The following TRPA1 variants were observed in gnomAD, a reference collection of about 807,000 sequenced individuals.
TRPA1 encodes ankyrin-like with transmembrane domains 1.
Under a neutral mutation model 131.3 loss-of-function variants are expected in TRPA1, and 129 were observed. The observed-to-expected ratio is 0.98, with a 90% CI of 0.85 to 1.14. The LOEUF (loss-of-function observed/expected upper bound fraction) is 1.14. TRPA1 is among the 50% of genes most tolerant of loss of function. The pLI, the probability that TRPA1 is intolerant of heterozygous loss-of-function variation, is 0.00. For missense variants in TRPA1, 1,304 were observed against 1,354.2 expected (o/e 0.96, Z 0.58); for synonymous variants, 441 against 451.7 (o/e 0.98, Z 0.30).
At chr8:72,058,237 T>A (rs547419511) in intron 8 of TRPA1, among the ~76,000 whole-genome samples, 53 of 152,298 alleles carry the variant, frequency 3.5e-4, no homozygotes, top group Admixed American at 1.6e-3. Context: ...TCACTTTTTT[T>A]AAAAATCCTA....
intron 24 of TRPA1, 165 bp downstream of exon 24, chr8:72,029,736 C>T: frequency 1.3e-6 from 1 of 748,822 alleles, no homozygotes; most frequent in Non-Finnish European, 2.3e-6. Flanking sequence ...CCCAGTCAGC[C>T]ACATGATCAG....
At chr8:72,051,823 C>A (rs1805516027) in intron 14 of TRPA1, among the ~76,000 whole-genome samples, 1 of 152,200 alleles carries the variant, frequency 6.6e-6, no homozygotes, top group Non-Finnish European at 1.5e-5. Context: ...TAGAAACCCA[C>A]CAACACCTGA....
intron 4 of TRPA1, among the ~76,000 whole-genome samples, chr8:72,063,909 C>T (rs1398486380): frequency 1.3e-5 from 2 of 152,042 alleles, no homozygotes; most frequent in Non-Finnish European, 2.9e-5. Context: ...GTTTCTTATG[C>T]AAATAAAGTG....
chr8:72,051,899 A>G (rs1378000271), intron 14 of TRPA1, among the ~76,000 whole-genome samples: 1 of 152,206 alleles, frequency 6.6e-6, no homozygotes, highest in African/African-American at 2.4e-5. Context: ...ATTTTTTAAG[A>G]AATATAAACT....
At chr8:72,050,900 A>G (rs1025927) in intron 14 of TRPA1, 29 bp from the exon 15 acceptor site, 137,600 of 1,452,452 alleles carry the variant, frequency 0.095, 7,291 homozygotes, top group African/African-American at 0.14. Flanking sequence ...TAAGATAAGC[A>G]CAGGTCTTCA....
chr8:72,082,936 G>A, the TRPA1 span, among the ~76,000 whole-genome samples: 1 of 151,380 alleles, frequency 6.6e-6, no homozygotes, highest in East Asian at 1.9e-4. Context: ...CTTCCATTAT[G>A]TATATGCTGG....
rs749092012 is a variant in TRPA1, at chr8:72,063,462, C to A, written c.661+1G>T. On this transcript the variant is annotated splice_donor_variant, in intron 5 of 26. Coordinates refer to ENST00000262209, the MANE Select transcript of TRPA1 (RefSeq NM_007332.3). LOFTEE classifies it high-confidence loss of function. Reference sequence around the variant, plus strand: ...TATAACATAGAAAAGCCTCAACTCACCAAACCTTAGTATTATTTCCATGCA... The same window carrying A: ...TATAACATAGAAAAGCCTCAACTCAACAAACCTTAGTATTATTTCCATGCA... 6.2e-7 allele frequency: 1 copy of A among 1,605,688 alleles called. No individual in the cohort carries two copies. The highest frequency in any genetic ancestry group is 8.5e-7 in the Non-Finnish European group (1 of 1,172,560).
chr8:72,055,603 T>G lies in TRPA1; in HGVS notation c.1365-3A>C. On this transcript the variant is annotated splice_polypyrimidine_tract_variant and splice_region_variant and intron_variant, in intron 11 of 26. Transcript: ENST00000262209. ...GACAGGTATTGATACGCCCATAACT[T>G]GGAAAAAATTAGGTTTCATATTTTC... The G allele has an allele frequency of 6.2e-7, 1 of 1,613,306 alleles. No homozygotes were observed. Among genetic ancestry groups the G allele is most frequent in the Non-Finnish European group, 8.5e-7 (1 of 1,179,490 alleles).
chr8:72,054,608 C>A (rs927283754), intron 12 of TRPA1: 1 of 152,398 alleles, frequency 6.6e-6, no homozygotes, highest in Non-Finnish European at 1.5e-5. Context: ...AATTAAGCAA[C>A]AACTGTCTGG....
intron 7 of TRPA1, among the ~76,000 whole-genome samples, chr8:72,060,640 T>C (rs1805785686): frequency 6.6e-6 from 1 of 152,118 alleles, no homozygotes; most frequent in Non-Finnish European, 1.5e-5. Context: ...ATATCTTTAT[T>C]TTAAAATTCT....
Position 72,023,086 on chromosome 8 carries a change from T to C in TRPA1, c.3180A>G (p.Lys1060=). The C allele has an allele frequency of 6.2e-7, 1 of 1,613,478 alleles. No homozygotes were observed. Among genetic ancestry groups the C allele is most frequent in the East Asian group, 2.2e-5 (1 of 44,870 alleles). ...RLKDLTFLLE[K]QHELIKLIIQ... Reference sequence around the variant, plus strand: ...TGATCAGTTTAATGAGCTCATGCTGTTTTTCCAGGAGAAAAGTAAGATCCT... The same window carrying C: ...TGATCAGTTTAATGAGCTCATGCTGCTTTTCCAGGAGAAAAGTAAGATCCT... Residue 1060 remains lysine (K), a synonymous_variant, in exon 27 of 27, where the codon AAA becomes AAG. Transcript: ENST00000262209.
the TRPA1 span, among the ~76,000 whole-genome samples, chr8:72,089,497 T>C: frequency 6.6e-6 from 1 of 152,084 alleles, no homozygotes; most frequent in African/African-American, 2.4e-5. Context: ...TATATAAAAA[T>C]ATTTTATTGT....
At position 72,022,548 on chromosome 8, in the gene TRPA1, G is replaced by T. The variant is rs905363344; in HGVS notation, c.*358C>A. ...GCATCACATATTATGTAATTAACAA[G>T]CAGGAATTCAGTACTGACATTTGCA... On this transcript the variant is annotated 3_prime_UTR_variant, in exon 27 of 27. Transcript: ENST00000262209. 11 of 357,606 alleles carry T rather than the reference G, an allele frequency of 3.1e-5. No homozygotes were observed. Among genetic ancestry groups the T allele is most frequent in the African/African-American group, 1.9e-4 (9 of 47,222 alleles). 22.2% of individuals were successfully genotyped at this position (357,606 alleles called of 1,614,324 possible).
chr8:72,026,525 GAGA>G (rs1811616157), intron 24 of TRPA1, among the ~76,000 whole-genome samples: 1 of 152,188 alleles, frequency 6.6e-6, no homozygotes, highest in South Asian at 2.1e-4. Flanking sequence ...TAGGGCAGGA[GAGA>G]AGAAGGAGTG....
At position 72,037,979 on chromosome 8, in the gene TRPA1, A is replaced by T. The variant is rs1334196844; in HGVS notation, c.2385+4T>A. ...ACTTTAGAGATACAAAATGTATTACATACCTGTTGGAAAATTTGCCCCGCT... is the reference window on the plus strand; with the variant it reads ...ACTTTAGAGATACAAAATGTATTACTTACCTGTTGGAAAATTTGCCCCGCT... On this transcript the variant is annotated splice_donor_region_variant and intron_variant, in intron 20 of 26. Coordinates refer to ENST00000262209, the MANE Select transcript of TRPA1 (RefSeq NM_007332.3). 1 of 1,560,014 alleles carries T rather than the reference A, an allele frequency of 6.4e-7. No individual in the cohort carries two copies. Among genetic ancestry groups the T allele is most frequent in the African/African-American group, 1.4e-5 (1 of 73,674 alleles).
chr8:72,063,817 C>T (rs1805866755), intron 4 of TRPA1, among the ~76,000 whole-genome samples: 1 of 151,998 alleles, frequency 6.6e-6, no homozygotes, highest in Admixed American at 6.6e-5. Flanking sequence ...ATCTTGATAC[C>T]ACAGCAATAA....
Position 72,053,591 on chromosome 8 carries a change from T to C in TRPA1, c.1644+162A>G. The C allele has an allele frequency of 7.5e-6, 5 of 664,790 alleles. 1 individual carries two copies. Among genetic ancestry groups the C allele is most frequent in the Non-Finnish European group, 1.4e-5 (5 of 366,470 alleles). The allele number at this position is 664,790 out of a possible 1,614,324, so 41.2% of individuals were successfully genotyped here. ...TTGGTATTCTCCCAATTCTGTTGCC[T>C]TTTGATTCATACTTCACCTCAAGAA... On this transcript the variant is annotated intron_variant, in intron 13 of 26. Coordinates refer to ENST00000262209, the MANE Select transcript of TRPA1 (RefSeq NM_007332.3).
intron 17 of TRPA1, 95 bp from the exon 18 acceptor site, chr8:72,039,892 G>C: frequency 3.5e-6 from 3 of 864,742 alleles, no homozygotes; most frequent in East Asian, 2.5e-5. Flanking sequence ...AACTGTGTTT[G>C]GTATTGTAAA....
intron 4 of TRPA1, 67 bp from the exon 5 acceptor site, chr8:72,063,638 T>G: frequency 1.0e-6 from 1 of 981,818 alleles, no homozygotes; most frequent in South Asian, 1.3e-5. Context: ...GGATGAGAAT[T>G]TATGTGCCTC....
Sources: gnomAD v4.1 joint callset for allele counts (sites outside exome capture counted in the v4.1 genomes callset) on GRCh38, gnomAD v4.1.1 for gene constraint, MANE v1.5 for transcripts, NCBI Gene and HGNC (gene_info 2026-07-23, HGNC 2026-07-21) for gene names.